ANKRD55: variants seen among roughly 807,000 people sequenced by gnomAD.
ANKRD55 encodes the protein ankyrin repeat domain-containing protein 55.
A neutral mutation model predicts 60.6 loss-of-function variants in ANKRD55; 41 were observed. That is an observed-to-expected ratio of 0.68 (90% CI 0.53 to 0.88). ANKRD55 has a LOEUF of 0.88. Ranked by LOEUF, ANKRD55 falls within the 40% of genes least tolerant of loss-of-function variation. The pLI is 0.00. For missense variants in ANKRD55, 732 were observed against 767.6 expected, an observed-to-expected ratio of 0.95 and a Z score of 0.55; for synonymous variants, 264 against 290.3, an observed-to-expected ratio of 0.91 and a Z score of 0.92.
At chr5:56,190,258 TTC>T (rs1424193533) in intron 2 of ANKRD55, among the ~76,000 whole-genome samples, 3 of 152,234 alleles carry the variant, frequency 2.0e-5, no homozygotes, top group Non-Finnish European at 4.4e-5. Context: ...TGCAAATATT[TTC>T]TCTCATTCTG....
chr5:56,193,406 G>A, intron 2 of ANKRD55: 1 of 607,446 alleles, frequency 1.6e-6, no homozygotes, highest in Non-Finnish European at 2.9e-6. Flanking sequence ...TTTTGGTACT[G>A]GAATTACAAC....
At chr5:56,103,682 A>G (rs547240754) in intron 10 of ANKRD55, among the ~76,000 whole-genome samples, 1 of 152,346 alleles carries the variant, frequency 6.6e-6, no homozygotes, top group African/African-American at 2.4e-5. Flanking sequence ...GAACAAGGGT[A>G]AAGCATTTAG....
rs150410113 is a variant in ANKRD55, at chr5:56,099,760, G to C, written c.*423C>G. ...TGACAATAAATGTGAAGACATGTTT[G>C]TCTGGGATGTGGTTTTTTTTTTGTT... On this transcript the variant is annotated 3_prime_UTR_variant, in exon 12 of 12. Coordinates refer to ENST00000341048, the MANE Select transcript of ANKRD55 (RefSeq NM_024669.3). 2.4e-3 allele frequency: 387 copies of C among 158,026 alleles called. 2 individuals are homozygous for C. Among genetic ancestry groups the C allele is most frequent in the African/African-American group, 9.1e-3 (375 of 41,412 alleles). 9.8% of individuals were successfully genotyped at this position (158,026 alleles called of 1,614,324 possible).
At chr5:56,135,294 G>GCTTGCTTTCTTTCTTT (rs1757547051) in intron 7 of ANKRD55, among the ~76,000 whole-genome samples, 2 of 84,386 alleles carry the variant, frequency 2.4e-5, no homozygotes, top group East Asian at 7.6e-4. Flanking sequence ...CTGCCTGCTT[G>GCTTGCTTTCTTTCTTT]CTTTCTTTCT....
At chr5:56,159,633 G>A (rs928825860) in intron 6 of ANKRD55, among the ~76,000 whole-genome samples, 200 bp downstream of exon 6, 3 of 152,204 alleles carry the variant, frequency 2.0e-5, no homozygotes, top group Admixed American at 2.0e-4. Flanking sequence ...TTCCCTATCA[G>A]AAGCTACACA....
chr5:56,103,611 A>G (rs542190974), intron 10 of ANKRD55, among the ~76,000 whole-genome samples: 2 of 152,300 alleles, frequency 1.3e-5, no homozygotes, highest in East Asian at 3.9e-4. Flanking sequence ...CAATTTTTTC[A>G]TATACAAAAT....
At chr5:56,193,287 T>G in intron 2 of ANKRD55, 1 of 1,088,230 alleles carries the variant, frequency 9.2e-7, no homozygotes, top group South Asian at 1.5e-5. Context: ...GGGAGATGCA[T>G]GGAAATTATA....
At chr5:56,187,762 G>A (rs1444412234) in intron 2 of ANKRD55, among the ~76,000 whole-genome samples, 2 of 152,172 alleles carry the variant, frequency 1.3e-5, no homozygotes, top group African/African-American at 2.4e-5. Context: ...CGTGACCCAC[G>A]GCTTCTAATA....
chr5:56,112,932 C>A (rs1756776474), intron 9 of ANKRD55, among the ~76,000 whole-genome samples: 1 of 152,172 alleles, frequency 6.6e-6, no homozygotes, highest in African/African-American at 2.4e-5. Flanking sequence ...AATTTTTATT[C>A]CATGATGTAG....
chr5:56,216,043 C>A (rs1013059947), intron 2 of ANKRD55, among the ~76,000 whole-genome samples: 1 of 151,388 alleles, frequency 6.6e-6, no homozygotes, highest in Non-Finnish European at 1.5e-5. Context: ...GAGTGTAACA[C>A]TTTCTATGCT....
At chr5:56,128,281 T>C (rs994849109) in intron 7 of ANKRD55, among the ~76,000 whole-genome samples, 5 of 152,168 alleles carry the variant, frequency 3.3e-5, no homozygotes, top group Middle Eastern at 3.2e-3. Flanking sequence ...GTTTCCCCTC[T>C]TGGTAGAAGA....
At chr5:56,133,265 C>T (rs1043084847) in intron 7 of ANKRD55, among the ~76,000 whole-genome samples, 6 of 151,724 alleles carry the variant, frequency 4.0e-5, no homozygotes, top group African/African-American at 1.5e-4. Flanking sequence ...ATGGTGAAAC[C>T]CCATCTCTAC....
intron 2 of ANKRD55, among the ~76,000 whole-genome samples, chr5:56,192,214 C>A (rs1198043761): frequency 6.6e-6 from 1 of 152,202 alleles, no homozygotes; most frequent in African/African-American, 2.4e-5. Flanking sequence ...GCCTCTCTCA[C>A]TGCTTTAAAC....
chr5:56,129,995 G>A (rs1365911800), intron 7 of ANKRD55, among the ~76,000 whole-genome samples: 3 of 152,172 alleles, frequency 2.0e-5, no homozygotes, highest in Non-Finnish European at 4.4e-5. Context: ...TGAGGGTTGA[G>A]GGTCTGGGGC....
intron 2 of ANKRD55, among the ~76,000 whole-genome samples, chr5:56,209,220 G>C (rs1422772976): frequency 3.3e-5 from 5 of 152,100 alleles, no homozygotes. Context: ...GCCTCCCAAA[G>C]AGCTGGGATT....
rs562982913 is a variant in ANKRD55 at position 56,210,003 on chromosome 5, AT to A, written c.58+22852del. ...AGAATAGTGATTATTTTCAATGGTC[AT>A]TTTTTTCTTTTTTTAAAATTTGAGA... On this transcript the variant is annotated intron_variant, in intron 2 of 11. Transcript: ENST00000341048. 2.0e-5 allele frequency among the ~76,000 whole-genome samples: 3 copies of A among 152,026 alleles called. No homozygotes were observed. In the East Asian group the frequency reaches 5.9e-4, roughly 30 times the overall value.
At chr5:56,112,370 A>T (rs1408421930) in intron 9 of ANKRD55, among the ~76,000 whole-genome samples, 1 of 152,030 alleles carries the variant, frequency 6.6e-6, no homozygotes, top group Non-Finnish European at 1.5e-5. Flanking sequence ...GTACTTTTAA[A>T]AAAAGTATGC....
rs1054147804 is a variant in ANKRD55, at chr5:56,176,399, T to C, written c.182-117A>G. ...TGCAATACAAACCCAGCTGTTTGTA[T>C]GGGACTGAAGGGAGATGAAGCTGAT... On this transcript the variant is annotated intron_variant, in intron 3 of 11. Coordinates refer to ENST00000341048, the MANE Select transcript of ANKRD55 (RefSeq NM_024669.3). The C allele has an allele frequency of 9.4e-6, 11 of 1,174,636 alleles. No individual in the cohort carries two copies. In the East Asian group the frequency reaches 2.4e-4, roughly 25 times the overall value. The allele number at this position is 1,174,636 out of a possible 1,614,324, so 72.8% of individuals were successfully genotyped here.
At chr5:56,219,559 G>T (rs1759912307) in intron 2 of ANKRD55, among the ~76,000 whole-genome samples, 1 of 152,178 alleles carries the variant, frequency 6.6e-6, no homozygotes, top group African/African-American at 2.4e-5. Context: ...AAACCATCAT[G>T]ACTTTAAAAG....
Sources: gnomAD v4.1 joint callset for allele counts (sites outside exome capture counted in the v4.1 genomes callset) on GRCh38, gnomAD v4.1.1 for gene constraint, MANE v1.5 for transcripts, NCBI Gene and HGNC (gene_info 2026-07-23, HGNC 2026-07-21) for gene names.